SCN1A: variants seen among roughly 807,000 people sequenced by gnomAD.
SCN1A encodes the protein sodium channel protein type 1 subunit alpha.
In SCN1A, 13 loss-of-function variants were observed where a neutral mutation model predicts 193.7. The ratio of observed to expected loss-of-function variants is 0.07; its 90% CI spans 0.04 to 0.11. The LOEUF is 0.11. SCN1A is among the 10% of genes least tolerant of loss of function. The pLI, the probability that SCN1A is intolerant of heterozygous loss-of-function variation, is 1.00. For synonymous variants in SCN1A, 781 were observed against 843.6 expected (o/e 0.93, Z 1.29); for missense variants, 1,432 against 2,451.1 (o/e 0.58, Z 8.78).
At chr2:166,148,356 C>T (rs963303525) in intron 1 of SCN1A, among the ~76,000 whole-genome samples, 3 of 152,144 alleles carry the variant, frequency 2.0e-5, no homozygotes, top group African/African-American at 7.2e-5. Context: ...AGGCAGGACA[C>T]AGTGTGAGAG....
chr2:166,015,599 T>G lies in SCN1A; in HGVS notation c.3550+8A>C, dbSNP rs750821898. 1.2e-6 allele frequency: 2 copies of G among 1,612,376 alleles called. No homozygotes were observed. Among genetic ancestry groups the G allele is most frequent in the African/African-American group, 2.7e-5 (2 of 74,982 alleles). The stretch of plus-strand genomic sequence containing the variant: ...ATGAAAGATTAACATTAGGATTCTT[T>G]TCTTTACCTTCAGTGAAACAAGCTT... On this transcript the variant is annotated splice_region_variant and intron_variant, in intron 20 of 28. Coordinates refer to ENST00000674923, the MANE Select transcript of SCN1A (RefSeq NM_001165963.4).
chr2:166,052,760 T>C (rs1356398043), intron 8 of SCN1A, 92 bp downstream of exon 8: 1 of 1,063,500 alleles, frequency 9.4e-7, no homozygotes, highest in South Asian at 1.3e-5. Context: ...CCTAGTCTTA[T>C]GATTCCTGAT....
intron 9 of SCN1A, among the ~76,000 whole-genome samples, chr2:166,049,382 A>G (rs1433074439): frequency 3.3e-5 from 5 of 152,042 alleles, no homozygotes; most frequent in Non-Finnish European, 7.4e-5. Flanking sequence ...CACATATTTC[A>G]AAATAAAAGA....
chr2:166,111,892 A>AGATGT (rs1574549658), intron 2 of SCN1A, among the ~76,000 whole-genome samples: 1 of 152,320 alleles, frequency 6.6e-6, no homozygotes, highest in East Asian at 1.9e-4. Context: ...TGCAGCCTGA[A>AGATGT]GATGTGACTG....
At chr2:166,012,853 ATTC>A (rs1408832974) in intron 21 of SCN1A, among the ~76,000 whole-genome samples, 1 of 150,898 alleles carries the variant, frequency 6.6e-6, no homozygotes, top group South Asian at 2.1e-4. Context: ...TCTAATATAT[ATTC>A]TTCTATTATG....
intron 3 of SCN1A, chr2:166,075,246 G>GA (rs1429688587): frequency 6.6e-6 from 1 of 151,874 alleles, no homozygotes; most frequent in African/African-American, 2.4e-5. Context: ...ATATCTAAAA[G>GA]AAAATGCAGT....
At position 166,007,505 on chromosome 2, in the gene SCN1A, C is replaced by T. The variant is rs1414799202; in HGVS notation, c.4002+2214G>A. Among the ~76,000 whole-genome samples the T allele has an allele frequency of 2.0e-5, 3 of 151,208 alleles. No individual in the cohort carries two copies. The highest frequency in any genetic ancestry group is 2.1e-4 in the South Asian group (1 of 4,832). On this transcript the variant is annotated intron_variant, in intron 23 of 28. Transcript: ENST00000674923. ...AATTTTATTTTACCCTAGATATTCA[C>T]GACATCAATTCACTCAGTTTAATTT...
chr2:166,142,056 G>A (rs954909083), intron 1 of SCN1A, among the ~76,000 whole-genome samples: 4 of 152,192 alleles, frequency 2.6e-5, no homozygotes, highest in Admixed American at 1.3e-4. Flanking sequence ...CACAAAGAGG[G>A]TGGAGGAGAA....
chr2:165,989,011 T>C lies in SCN1A; in HGVS notation c.*2234A>G, dbSNP rs2105407098. The C allele has an allele frequency of 6.8e-6, 1 of 147,322 alleles. No homozygotes were observed. Among genetic ancestry groups the C allele is most frequent in the East Asian group, 2.0e-4 (1 of 4,988 alleles). 9.1% of individuals were successfully genotyped at this position (147,322 alleles called of 1,614,324 possible). On this transcript the variant is annotated 3_prime_UTR_variant, in exon 29 of 29. Coordinates refer to ENST00000674923, the MANE Select transcript of SCN1A (RefSeq NM_001165963.4). ...GACATATCTACCCTAGGTTTTGTTG[T>C]CAACGTGGGTATGCCTCTGTGTGTG... is the stretch of plus-strand genomic sequence containing the variant.
At chr2:166,057,273 AT>A (rs1273606484) in intron 5 of SCN1A, among the ~76,000 whole-genome samples, 1 of 152,068 alleles carries the variant, frequency 6.6e-6, no homozygotes, top group Non-Finnish European at 1.5e-5. Flanking sequence ...TGTATTGGAA[AT>A]GCTTGGAACA....
rs751811178 is a variant in SCN1A at position 165,991,434 on chromosome 2, G to T, written c.5841C>A (p.Ile1947=). 1 of 1,613,720 alleles carries T rather than the reference G, an allele frequency of 6.2e-7. No individual in the cohort carries two copies. The highest frequency in any genetic ancestry group is 8.5e-7 in the Non-Finnish European group (1 of 1,179,840). ...TTATAAGAAGATTAGCCCCACCTTT[G>T]ATTTTGTTTTTATTGTACGTAAAGG... ...QASFTYNKNK[I]KGGANLLIKE... The change falls in exon 29 of 29, where the codon ATC becomes ATA. Residue 1947 remains isoleucine, a synonymous_variant. Transcript: ENST00000674923.
chr2:166,124,972 T>G (rs1166549862), intron 2 of SCN1A, among the ~76,000 whole-genome samples: 2 of 152,182 alleles, frequency 1.3e-5, no homozygotes, highest in African/African-American at 4.8e-5. Context: ...ATAAAACAAT[T>G]AATAAATGGA....
chr2:166,019,846 G>A (rs1313686685), intron 19 of SCN1A, among the ~76,000 whole-genome samples: 1 of 151,514 alleles, frequency 6.6e-6, no homozygotes, highest in Admixed American at 6.6e-5. Context: ...TCAACTTAGA[G>A]TTCCAACCAA....
rs139991326 is a variant in SCN1A, at chr2:166,017,636, C to A, written c.3430-1909G>T. Among the ~76,000 whole-genome samples, 16 of 152,144 alleles carry A rather than the reference C, an allele frequency of 1.1e-4. No individual in the cohort carries two copies. The East Asian group carries it at 2.9e-3, about 28-fold the overall frequency. ...TATAAAAACCATGTGAGCAACATTT[C>A]ATCACCCATTGTTCTTCACTGTAGA... On this transcript the variant is annotated intron_variant, in intron 19 of 28. Transcript: ENST00000674923.
chr2:166,093,309 T>A (rs375334210), intron 2 of SCN1A, among the ~76,000 whole-genome samples: 59 of 152,136 alleles, frequency 3.9e-4, no homozygotes, highest in African/African-American at 1.4e-3. Context: ...TTACTTGGGT[T>A]TTGGCCTATG....
chr2:166,143,098 C>T (rs1692159551), intron 1 of SCN1A, among the ~76,000 whole-genome samples: 1 of 149,588 alleles, frequency 6.7e-6, no homozygotes, highest in African/African-American at 2.5e-5. Flanking sequence ...AAAAGGAATG[C>T]CACTTTATCA....
rs754747601 is a variant in SCN1A, at chr2:166,039,510, G to A, written c.2502C>T (p.Ile834=). 11 of 1,612,940 alleles carry A rather than the reference G, an allele frequency of 6.8e-6. No individual in the cohort carries two copies. The South Asian group carries it at 1.1e-4, about 16-fold the overall frequency. Residue 834 remains isoleucine, a synonymous_variant, in exon 17 of 29, where the codon ATC becomes ATT. Transcript: ENST00000674923. ...PYYYFQEGWN[I]FDGFIVTLSL... ...TAAGCGTCACAATAAAACCGTCAAAGATATTCCAGCCTTCTTGGAAATAAT... is the reference window on the plus strand; with the variant it reads ...TAAGCGTCACAATAAAACCGTCAAAAATATTCCAGCCTTCTTGGAAATAAT...
At chr2:166,129,060 A>C (rs1691523127), upstream of SCN1A, among the ~76,000 whole-genome samples, 1 of 152,186 alleles carries the variant, frequency 6.6e-6, no homozygotes, top group South Asian at 2.1e-4. Context: ...CATGTGTTTT[A>C]TCATTTATCA....
In SCN1A at chr2:166,124,235, A is replaced by G. The variant is rs972400400; in HGVS notation, c.-142+2689T>C. Among the ~76,000 whole-genome samples, 5 of 151,910 alleles carry G rather than the reference A, an allele frequency of 3.3e-5. No homozygotes were observed. The East Asian group carries it at 9.7e-4, about 29-fold the overall frequency. On this transcript the variant is annotated intron_variant, in intron 2 of 28. Transcript: ENST00000674923. Reference sequence around the variant, plus strand: ...ACCCTTCTATCTTCTATTGTACAGGAGAGCTTTTTTTTTTTTAATTTTTTA... The same window carrying G: ...ACCCTTCTATCTTCTATTGTACAGGGGAGCTTTTTTTTTTTTAATTTTTTA...
Sources: allele counts gnomAD v4.1 joint callset (sites outside exome capture counted in the v4.1 genomes callset), GRCh38; gene constraint gnomAD v4.1.1; transcripts MANE v1.5; gene names NCBI Gene and HGNC (gene_info 2026-07-23, HGNC 2026-07-21).